Variants in SCN3A observed in about 807,000 individuals in gnomAD.
SCN3A encodes sodium channel protein type 3 subunit alpha.
SCN3A carries 60 observed loss-of-function variants against 187.6 expected under a neutral mutation model. That is an observed-to-expected ratio of 0.32 (90% CI 0.26 to 0.40). The LOEUF (loss-of-function observed/expected upper bound fraction) is 0.40. SCN3A is among the 10% of genes least tolerant of loss of function. SCN3A has a pLI of 1.00. For missense variants in SCN3A, 1,601 were observed against 2,428.2 expected, an observed-to-expected ratio of 0.66 and a Z score of 7.16; for synonymous variants, 788 against 829.2, an observed-to-expected ratio of 0.95 and a Z score of 0.85.
Position 165,090,729 on chromosome 2 carries a change from T to C in SCN3A, c.5424A>G (p.Ile1808Met), listed in dbSNP as rs535637931. The C allele has an allele frequency of 1.9e-6, 3 of 1,614,110 alleles. No individual in the cohort carries two copies. The highest frequency in any genetic ancestry group is 4.5e-5 in the East Asian group (2 of 44,870). ...EKFDPDATQFIEFSKLSDFAA... is the reference protein window; with the variant it reads ...EKFDPDATQFMEFSKLSDFAA... ...CAAAATCAGAGAGTTTAGAGAACTC[T>C]ATAAACTGGGTCGCATCGGGATCAA... is the stretch of plus-strand genomic sequence containing the variant. The change falls in exon 28 of 28, where the codon ATA (isoleucine) becomes ATG (methionine). Residue 1808 changes from isoleucine (I) to methionine (M), a missense_variant. Physicochemically the swap from Ile to Met is conservative, Grantham distance 10. Coordinates refer to ENST00000283254, the MANE Select transcript of SCN3A (RefSeq NM_006922.4). The surrounding 1 kb of genome is among the most constrained non-coding windows in gnomAD (Gnocchi z 4.0).
intron 1 of SCN3A, among the ~76,000 whole-genome samples, chr2:165,189,605 T>G (rs2105964148): frequency 6.6e-6 from 1 of 152,322 alleles, no homozygotes; most frequent in African/African-American, 2.4e-5. Flanking sequence ...TTTAATTTTA[T>G]TTTTCTTAAC....
intron 21 of SCN3A, 85 bp downstream of exon 21, chr2:165,112,800 T>C: frequency 8.5e-7 from 1 of 1,181,964 alleles, no homozygotes; most frequent in Non-Finnish European, 1.2e-6. Context: ...TCATTATTAG[T>C]GAAAGTTTTA....
intron 27 of SCN3A, 77 bp from the exon 28 acceptor site, chr2:165,091,422 T>C (rs1486474516): frequency 1.9e-6 from 3 of 1,549,608 alleles, no homozygotes; most frequent in Non-Finnish European, 2.7e-6. Context: ...TTAAGGTCTA[T>C]GAACACAACA....
Position 165,154,740 on chromosome 2 carries a change from C to A in SCN3A, c.1174-82G>T, listed in dbSNP as rs758978150. ...TATCTGATTACCACAGTTAGATAGT[C>A]AGTAGACTAATTAGCTTTTTAGTAT... On this transcript the variant is annotated intron_variant, in intron 10 of 27. Coordinates refer to ENST00000283254, the MANE Select transcript of SCN3A (RefSeq NM_006922.4). 745 of 1,348,012 alleles carry A rather than the reference C, an allele frequency of 5.5e-4. 2 individuals carry two copies. Among genetic ancestry groups the A allele is most frequent in the Middle Eastern group, 2.3e-3 (13 of 5,548 alleles). The allele number at this position is 1,348,012 out of a possible 1,614,324, so 83.5% of individuals were successfully genotyped here.
intron 21 of SCN3A, among the ~76,000 whole-genome samples, chr2:165,101,298 C>T (rs571347445): frequency 1.3e-5 from 2 of 152,214 alleles, no homozygotes; most frequent in African/African-American, 4.8e-5. Flanking sequence ...TATGAAAGAT[C>T]AAAGAAGACA....
intron 11 of SCN3A, among the ~76,000 whole-genome samples, chr2:165,149,927 A>G (rs939195437): frequency 4.6e-5 from 7 of 152,186 alleles, no homozygotes; most frequent in Non-Finnish European, 1.0e-4. Context: ...TGTTCATTTT[A>G]TGTATATAAT....
At chr2:165,110,212 T>TCC (rs1037008502) in intron 21 of SCN3A, among the ~76,000 whole-genome samples, 1 of 152,200 alleles carries the variant, frequency 6.6e-6, no homozygotes, top group Non-Finnish European at 1.5e-5. Flanking sequence ...TCTCCTCCAA[T>TCC]AGAGTGTAAG....
chr2:165,130,424 C>A (rs1300532279), intron 16 of SCN3A, 128 bp from the exon 17 acceptor site: 8 of 937,016 alleles, frequency 8.5e-6, no homozygotes, highest in Non-Finnish European at 1.3e-5. Context: ...TGAACTGATT[C>A]AATTTCAAAT....
chr2:165,163,889 C>T (rs1689570310), intron 6 of SCN3A, 180 bp from the exon 7 acceptor site: 2 of 1,613,084 alleles, frequency 1.2e-6, no homozygotes, highest in African/African-American at 1.3e-5. Context: ...AATTCTGTTA[C>T]ATACCTGCAG....
chr2:165,094,847 G>A (rs1474063104), intron 25 of SCN3A, among the ~76,000 whole-genome samples: 1 of 152,152 alleles, frequency 6.6e-6, no homozygotes, highest in Non-Finnish European at 1.5e-5. Flanking sequence ...AATGTGCTGG[G>A]TGTCAGAATT....
chr2:165,110,412 A>G (rs1170516750), intron 21 of SCN3A, among the ~76,000 whole-genome samples: 2 of 152,250 alleles, frequency 1.3e-5, no homozygotes, highest in Non-Finnish European at 2.9e-5. Flanking sequence ...ACACAGACCT[A>G]TTTCTCAAGT....
intron 12 of SCN3A, among the ~76,000 whole-genome samples, chr2:165,141,673 T>C (rs1482706533): frequency 1.3e-5 from 2 of 152,204 alleles, no homozygotes; most frequent in African/African-American, 4.8e-5. Context: ...TGGCAACCAA[T>C]GATTCACCTT....
At chr2:165,143,831 G>C (rs996030592) in intron 12 of SCN3A, among the ~76,000 whole-genome samples, 6 of 152,162 alleles carry the variant, frequency 3.9e-5, no homozygotes, top group African/African-American at 1.4e-4. Context: ...TGCATGTAGG[G>C]TTTGGATTCA....
chr2:165,100,495 A>G, intron 21 of SCN3A, 71 bp from the exon 22 acceptor site: 3 of 1,485,618 alleles, frequency 2.0e-6, no homozygotes, highest in East Asian at 4.7e-5. Flanking sequence ...AGGGTGTGGT[A>G]TCTATTTAAT....
At position 165,176,565 on chromosome 2, in the gene SCN3A, G is replaced by A. The variant is rs1574303266; in HGVS notation, c.-50-121C>T. On this transcript the variant is annotated intron_variant, in intron 2 of 27. Coordinates refer to ENST00000283254, the MANE Select transcript of SCN3A (RefSeq NM_006922.4). ...CTATAAACATTAAGTCATGCTTTTAGTACTGCACTACACATTTGAACTTGA... is the reference window on the plus strand; with the variant it reads ...CTATAAACATTAAGTCATGCTTTTAATACTGCACTACACATTTGAACTTGA... 1.3e-5 allele frequency: 9 copies of A among 707,308 alleles called. No homozygotes were observed. The East Asian group carries it at 1.6e-4, about 13-fold the overall frequency. 43.8% of individuals were successfully genotyped at this position (707,308 alleles called of 1,614,324 possible).
intron 21 of SCN3A, among the ~76,000 whole-genome samples, chr2:165,112,502 A>G (rs567258130): frequency 6.6e-6 from 1 of 152,328 alleles, no homozygotes; most frequent in South Asian, 2.1e-4. Context: ...TCTGACCTTC[A>G]GTCATTTTTT....
At chr2:165,144,715 T>C (rs1688217717) in intron 12 of SCN3A, among the ~76,000 whole-genome samples, 1 of 152,172 alleles carries the variant, frequency 6.6e-6, no homozygotes, top group Non-Finnish European at 1.5e-5. Flanking sequence ...TCCCTTAACA[T>C]TTGTTACCTT....
chr2:165,163,345 G>T (rs1005819480), intron 7 of SCN3A, among the ~76,000 whole-genome samples: 5 of 152,080 alleles, frequency 3.3e-5, no homozygotes, highest in Non-Finnish European at 7.4e-5. Flanking sequence ...TAAAGCCATG[G>T]TAGTGAAAAA....
In SCN3A at chr2:165,128,246, A is replaced by G. The variant is rs959965913; in HGVS notation, c.2923-145T>C. The G allele has an allele frequency of 4.3e-5, 30 of 696,684 alleles. No individual in the cohort carries two copies. In the African/African-American group the frequency reaches 5.0e-4, roughly 12 times the overall value. 43.2% of individuals were successfully genotyped at this position (696,684 alleles called of 1,614,324 possible). ...TACTATATTTCAGATGCCATGTCTA[A>G]GTCACACACTCTTTAAAGGACCTAA... is the stretch of plus-strand genomic sequence containing the variant. On this transcript the variant is annotated intron_variant, in intron 17 of 27. Transcript: ENST00000283254.
Sources: gnomAD v4.1 joint callset for allele counts (sites outside exome capture counted in the v4.1 genomes callset) on GRCh38, gnomAD v4.1.1 for gene constraint, Gnocchi (gnomAD v3.1) non-coding constraint, MANE v1.5 for transcripts, NCBI Gene and HGNC (gene_info 2026-07-23, HGNC 2026-07-21) for gene names.